NEK8: variants seen among roughly 807,000 people sequenced by gnomAD.
The protein encoded by NEK8 is serine/threonine-protein kinase Nek8.
In NEK8, 51 loss-of-function variants were observed where a neutral mutation model predicts 77.2. The observed-to-expected ratio is 0.66, with a 90% confidence interval of 0.53 to 0.83. The LOEUF (loss-of-function observed/expected upper bound fraction) is 0.83, where lower values mean the gene tolerates loss of function less well. Among genes scored for constraint, NEK8 ranks in the 40% least tolerant of loss-of-function variants. The pLI, the probability that NEK8 is intolerant of heterozygous loss-of-function variation, is 0.00. For synonymous variants in NEK8, 365 were observed against 363.2 expected (o/e 1.00, Z -0.06); for missense variants, 787 against 909.2 (o/e 0.87, Z 1.73).
chr17:28,731,457 T>G (rs368348467), intron 1 of NEK8, among the ~76,000 whole-genome samples: 4 of 152,014 alleles, frequency 2.6e-5, no homozygotes, highest in South Asian at 2.1e-4. Flanking sequence ...GAGAATTGCT[T>G]GAACCTGGGA....
chr17:28,738,348 A>G, intron 8 of NEK8, 103 bp downstream of exon 8: 1 of 1,322,704 alleles, frequency 7.6e-7, no homozygotes, highest in Non-Finnish European at 1.1e-6. Flanking sequence ...TCTGTCTACT[A>G]GTTATCGAGT....
intron 1 of NEK8, among the ~76,000 whole-genome samples, chr17:28,732,400 A>G (rs1012634807): frequency 2.3e-4 from 35 of 152,196 alleles, no homozygotes; most frequent in African/African-American, 8.4e-4. Context: ...ACAGTATTTT[A>G]GGCGAGAAAT....
rs1190067171 is a variant in NEK8 at position 28,743,058 on chromosome 17, G to A, written c.*1071G>A. 4.2e-5 allele frequency: 5 copies of A among 118,982 alleles called. No homozygotes were observed. The highest frequency in any genetic ancestry group is 1.1e-4 in the Admixed American group (1 of 9,310). 7.4% of individuals were successfully genotyped at this position (118,982 alleles called of 1,614,324 possible). On this transcript the variant is annotated 3_prime_UTR_variant, in exon 15 of 15. Coordinates refer to ENST00000268766, the MANE Select transcript of NEK8 (RefSeq NM_178170.3). ...ACTGCACTCCAGCCTGGATGACAGA[G>A]CAAGTCTCCCTCTCAAAAAAAAAAA... is the stretch of plus-strand genomic sequence containing the variant.
chr17:28,733,916 C>T, intron 1 of NEK8, 67 bp from the exon 2 acceptor site: 1 of 1,378,854 alleles, frequency 7.3e-7, no homozygotes. Flanking sequence ...CACTAGGCTG[C>T]ACCGCCCTGC....
Position 28,737,632 on chromosome 17 carries a change from T to C in NEK8, c.828-43T>C. ...AGTCCTCCCTTCCTGCATGTAGGAA[T>C]GTCAGGAGGGTCTTTGTCCTTAGGC... On this transcript the variant is annotated intron_variant, in intron 5 of 14. Coordinates refer to ENST00000268766, the MANE Select transcript of NEK8 (RefSeq NM_178170.3). This position sits in a 1 kb window ranked among gnomAD's most constrained non-coding sequence, Gnocchi z 4.8. 1 of 1,614,014 alleles carries C rather than the reference T, an allele frequency of 6.2e-7. No homozygotes were observed. The highest frequency in any genetic ancestry group is 8.5e-7 in the Non-Finnish European group (1 of 1,179,918).
At position 28,728,887 on chromosome 17, in the gene NEK8, C is replaced by A; in HGVS notation, c.47+27C>A. On this transcript the variant is annotated intron_variant, in intron 1 of 14. Coordinates refer to ENST00000268766, the MANE Select transcript of NEK8 (RefSeq NM_178170.3). Reference sequence around the variant, plus strand: ...TGAGCCAGGGCTCTGGGGGAGGAAACTGCTAGGGGATAGGGAAAATAAGCC... The same window carrying A: ...TGAGCCAGGGCTCTGGGGGAGGAAAATGCTAGGGGATAGGGAAAATAAGCC... The A allele has an allele frequency of 2.6e-6, 4 of 1,540,032 alleles. No homozygotes were observed. The South Asian group carries it at 4.8e-5, about 18-fold the overall frequency.
At chr17:28,738,471 G>A (rs2034389129) in intron 8 of NEK8, among the ~76,000 whole-genome samples, 200 bp from the exon 9 acceptor site, 1 of 152,146 alleles carries the variant, frequency 6.6e-6, no homozygotes, top group African/African-American at 2.4e-5. Context: ...AAGTGGGGAC[G>A]CTAAGGCTCA....
chr17:28,730,473 C>T (rs917824285), intron 1 of NEK8, among the ~76,000 whole-genome samples: 1 of 151,986 alleles, frequency 6.6e-6, no homozygotes, highest in Non-Finnish European at 1.5e-5. Context: ...AGGGTTTCAC[C>T]ATGTTGGCCA....
At position 28,740,448 on chromosome 17, in the gene NEK8, G is replaced by A. The variant is rs367945365; in HGVS notation, c.1418-15G>A. On this transcript the variant is annotated splice_polypyrimidine_tract_variant and intron_variant, in intron 10 of 14. Transcript: ENST00000268766. The surrounding 1 kb of genome is among the most constrained non-coding windows in gnomAD (Gnocchi z 4.7). ...CTAAAGCTCAAATTAACTCCTTCTG[G>A]GTTTCTTCTTGTAGGCAGACTGGGG... 2 of 1,613,960 alleles carry A rather than the reference G, an allele frequency of 1.2e-6. No homozygotes were observed. The highest frequency in any genetic ancestry group is 8.5e-7 in the Non-Finnish European group (1 of 1,179,904).
At chr17:28,729,436 A>G (rs1377713334) in intron 1 of NEK8, among the ~76,000 whole-genome samples, 1 of 152,066 alleles carries the variant, frequency 6.6e-6, no homozygotes, top group Non-Finnish European at 1.5e-5. Flanking sequence ...GCACACTGCA[A>G]CCACCACCTC....
Position 28,741,266 on chromosome 17 carries a change from G to C in NEK8, c.1891+30G>C. On this transcript the variant is annotated intron_variant, in intron 13 of 14. Transcript: ENST00000268766. The surrounding 1 kb of genome is among the most constrained non-coding windows in gnomAD (Gnocchi z 4.5). Reference sequence around the variant, plus strand: ...GGACTGAGCATGGTGGGGGCAGACAGTGCCATGAGCAGTGGGGGGTGGGGG... The same window carrying C: ...GGACTGAGCATGGTGGGGGCAGACACTGCCATGAGCAGTGGGGGGTGGGGG... 1 of 1,596,028 alleles carries C rather than the reference G, an allele frequency of 6.3e-7. No individual in the cohort carries two copies. The highest frequency in any genetic ancestry group is 2.2e-5 in the East Asian group (1 of 44,676).
rs1254497779 is a variant in NEK8 at position 28,742,596 on chromosome 17, C to A, written c.*609C>A. On this transcript the variant is annotated 3_prime_UTR_variant, in exon 15 of 15. Transcript: ENST00000268766. Reference sequence around the variant, plus strand: ...AAAAAGGCTGAAGGCAGCTGTAGCTCCACACAGACCCTACCCTTTCCCCTA... The same window carrying A: ...AAAAAGGCTGAAGGCAGCTGTAGCTACACACAGACCCTACCCTTTCCCCTA... 6.0e-6 allele frequency: 1 copy of A among 167,914 alleles called. No individual in the cohort carries two copies. The highest frequency in any genetic ancestry group is 1.3e-5 in the Non-Finnish European group (1 of 76,482). 10.4% of individuals were successfully genotyped at this position (167,914 alleles called of 1,614,324 possible). A position where few individuals can be genotyped will look rare whatever the true frequency, so the allele number is the denominator to read the frequency against.
chr17:28,736,595 T>C (rs1175580485), intron 4 of NEK8, among the ~76,000 whole-genome samples: 2 of 152,262 alleles, frequency 1.3e-5, no homozygotes, highest in African/African-American at 4.8e-5. Flanking sequence ...TCTGTTCATA[T>C]CCTTCGCCCA....
intron 4 of NEK8, among the ~76,000 whole-genome samples, chr17:28,736,579 G>C (rs1202851349): frequency 6.6e-6 from 1 of 152,212 alleles, no homozygotes; most frequent in Admixed American, 6.5e-5. Context: ...CTTCTTTTGA[G>C]AAGTGTCTGT....
intron 4 of NEK8, among the ~76,000 whole-genome samples, chr17:28,735,613 G>A (rs1597805822): frequency 6.6e-6 from 1 of 151,972 alleles, no homozygotes; most frequent in Non-Finnish European, 1.5e-5. Context: ...CCTCCCAAGA[G>A]CAAGACTTGA....
rs1331148851 is a variant in NEK8 at position 28,737,698 on chromosome 17, G to A, written c.851G>A (p.Ser284Asn). Reference sequence around the variant, plus strand: ...AGGGCAGAGAAGTCCGTGGCCCCCAGCAACACAGGGAGCAGGACCACCAGT... The same window carrying A: ...AGGGCAGAGAAGTCCGTGGCCCCCAACAACACAGGGAGCAGGACCACCAGT... Reference protein sequence around the residue: ...MRRAEKSVAPSNTGSRTTSVR... With the variant: ...MRRAEKSVAPNNTGSRTTSVR... Residue 284 changes from serine to asparagine, a missense_variant, in exon 6 of 15, where the codon AGC becomes AAC. Physicochemically the swap from Ser to Asn is conservative, Grantham distance 46 (BLOSUM62 1). Transcript: ENST00000268766. This position sits in a 1 kb window ranked among gnomAD's most constrained non-coding sequence, Gnocchi z 4.8. 1 of 1,614,162 alleles carries A rather than the reference G, an allele frequency of 6.2e-7. No homozygotes were observed. Among genetic ancestry groups the A allele is most frequent in the East Asian group, 2.2e-5 (1 of 44,884 alleles).
In NEK8 at chr17:28,728,996, G is replaced by C. The variant is rs1022149469; in HGVS notation, c.47+136G>C. On this transcript the variant is annotated intron_variant, in intron 1 of 14. Transcript: ENST00000268766. Reference sequence around the variant, plus strand: ...TCTGGGAAGCCCCGCCCAAGCTTCCGGTCCCAGTCCCCCGGGGAGACTCCG... The same window carrying C: ...TCTGGGAAGCCCCGCCCAAGCTTCCCGTCCCAGTCCCCCGGGGAGACTCCG... The C allele has an allele frequency of 7.5e-6, 6 of 799,084 alleles. No homozygotes were observed. The African/African-American group carries it at 8.5e-5, about 11-fold the overall frequency. The allele number at this position is 799,084 out of a possible 1,614,324, so 49.5% of individuals were successfully genotyped here.
chr17:28,734,248 A>G, intron 2 of NEK8, 60 bp downstream of exon 2: 1 of 1,435,528 alleles, frequency 7.0e-7, no homozygotes, highest in South Asian at 1.1e-5. Context: ...GGACAGGCAG[A>G]CACAGATCTC....
Position 28,737,261 on chromosome 17 carries a change from G to A in NEK8, c.619-45G>A, listed in dbSNP as rs1307288566. 4 of 1,562,352 alleles carry A rather than the reference G, an allele frequency of 2.6e-6. No individual in the cohort carries two copies. Among genetic ancestry groups the A allele is most frequent in the South Asian group, 2.3e-5 (2 of 85,852 alleles). On this transcript the variant is annotated intron_variant, in intron 4 of 14. Coordinates refer to ENST00000268766, the MANE Select transcript of NEK8 (RefSeq NM_178170.3). The surrounding 1 kb of genome is among the most constrained non-coding windows in gnomAD (Gnocchi z 4.8). ...GGAGACCAGGGGCTGGAGCTGGGGGGTGCTGCCCTCACTTCCCCAAATTCT... is the reference window on the plus strand; with the variant it reads ...GGAGACCAGGGGCTGGAGCTGGGGGATGCTGCCCTCACTTCCCCAAATTCT...
Sources: gnomAD v4.1 joint callset for allele counts (sites outside exome capture counted in the v4.1 genomes callset) on GRCh38, gnomAD v4.1.1 for gene constraint, Gnocchi (gnomAD v3.1) non-coding constraint, MANE v1.5 for transcripts, NCBI Gene and HGNC (gene_info 2026-07-23, HGNC 2026-07-21) for gene names.